The following CSNK1G3 variants were observed in gnomAD, a reference collection of about 807,000 sequenced individuals.
CSNK1G3 encodes the protein casein kinase I isoform gamma-3.
A neutral mutation model predicts 64.3 loss-of-function variants in CSNK1G3; 23 were observed. The ratio of observed to expected loss-of-function variants is 0.36; its 90% CI spans 0.26 to 0.51. The LOEUF is 0.51. CSNK1G3 is among the 20% of genes least tolerant of loss of function. The pLI is 0.96. For synonymous variants in CSNK1G3, 158 were observed against 162.2 expected (o/e 0.97, Z 0.20); for missense variants, 357 against 510.5 (o/e 0.70, Z 2.90).
chr5:123,613,686 C>T (rs1166321339), intron 12 of CSNK1G3, among the ~76,000 whole-genome samples: 1 of 151,790 alleles, frequency 6.6e-6, no homozygotes, highest in Non-Finnish European at 1.5e-5. Context: ...TTTTTTTTCA[C>T]CTAGAAATAA....
intron 1 of CSNK1G3, among the ~76,000 whole-genome samples, chr5:123,530,690 A>G (rs1383142954): frequency 1.3e-5 from 2 of 152,230 alleles, no homozygotes; most frequent in Admixed American, 6.5e-5. Context: ...AAAGCTAGAA[A>G]TTCCTGGGTC....
chr5:123,613,627 C>T (rs928295609), intron 12 of CSNK1G3, among the ~76,000 whole-genome samples: 2 of 152,120 alleles, frequency 1.3e-5, no homozygotes, highest in Admixed American at 6.6e-5. Flanking sequence ...CTGCCTCGGC[C>T]TCTCAAAGTG....
chr5:123,569,162 GA>G (rs1225439467), intron 4 of CSNK1G3, among the ~76,000 whole-genome samples: 1 of 152,110 alleles, frequency 6.6e-6, no homozygotes. Flanking sequence ...TGCTTGCTTT[GA>G]AAATGATAGG....
chr5:123,604,181 T>C (rs960618000), intron 10 of CSNK1G3, among the ~76,000 whole-genome samples: 1 of 152,034 alleles, frequency 6.6e-6, no homozygotes, highest in African/African-American at 2.4e-5. Flanking sequence ...ATGGATTAGA[T>C]GTGGGTTTTA....
At chr5:123,590,018 TCTC>T (rs1792050560) in intron 8 of CSNK1G3, among the ~76,000 whole-genome samples, 3 of 152,114 alleles carry the variant, frequency 2.0e-5, no homozygotes, top group Non-Finnish European at 4.4e-5. Flanking sequence ...ATAAATCAGT[TCTC>T]ACCGGTATTT....
intron 4 of CSNK1G3, among the ~76,000 whole-genome samples, chr5:123,564,776 T>A (rs1223880355): frequency 6.6e-6 from 1 of 152,178 alleles, no homozygotes; most frequent in Non-Finnish European, 1.5e-5. Context: ...TGGGGTTAAT[T>A]GATAGAATTT....
intron 6 of CSNK1G3, among the ~76,000 whole-genome samples, chr5:123,578,847 T>G (rs1476357540): frequency 6.6e-6 from 1 of 152,000 alleles, no homozygotes; most frequent in African/African-American, 2.4e-5. Flanking sequence ...CTTATTGAAT[T>G]ACCTTAGTGT....
At chr5:123,540,276 A>G (rs1458722344) in intron 1 of CSNK1G3, among the ~76,000 whole-genome samples, 2 of 151,266 alleles carry the variant, frequency 1.3e-5, no homozygotes, top group Admixed American at 6.6e-5. Flanking sequence ...TTTTCCGTTT[A>G]TCAGCTGAGA....
chr5:123,595,154 T>G lies in CSNK1G3; in HGVS notation c.1086+3740T>G, dbSNP rs1411338356. On this transcript the variant is annotated intron_variant, in intron 10 of 12. Transcript: ENST00000345990. ...GTACAGGTATTTTCTGATTTTTGCA[T>G]GAGTGATTATTACCCAGATTTATAC... 6.2e-7 allele frequency: 1 copy of G among 1,604,098 alleles called. No homozygotes were observed. The highest frequency in any genetic ancestry group is 8.5e-7 in the Non-Finnish European group (1 of 1,171,864).
intron 10 of CSNK1G3, among the ~76,000 whole-genome samples, chr5:123,601,049 C>G (rs1294537325): frequency 1.3e-5 from 2 of 151,876 alleles, no homozygotes; most frequent in Non-Finnish European, 2.9e-5. Flanking sequence ...CTCAGAATAT[C>G]TGTCATTTTT....
chr5:123,522,279 G>A (rs189284561), intron 1 of CSNK1G3, among the ~76,000 whole-genome samples: 2 of 152,088 alleles, frequency 1.3e-5, no homozygotes, highest in African/African-American at 4.8e-5. Flanking sequence ...AGAGGCAGGC[G>A]GATCACGAGG....
chr5:123,574,549 G>A (rs1788770210), intron 5 of CSNK1G3, among the ~76,000 whole-genome samples: 1 of 152,136 alleles, frequency 6.6e-6, no homozygotes, highest in South Asian at 2.1e-4. Context: ...GCTAGGTGTG[G>A]TGGCTTGTGC....
chr5:123,556,134 C>T (rs1013415007), intron 3 of CSNK1G3, among the ~76,000 whole-genome samples: 1 of 151,984 alleles, frequency 6.6e-6, no homozygotes, highest in Non-Finnish European at 1.5e-5. Flanking sequence ...TACTATCCTG[C>T]CTCTCAAGAA....
At chr5:123,613,411 ATG>A (rs34051969) in intron 12 of CSNK1G3, among the ~76,000 whole-genome samples, 83 of 148,726 alleles carry the variant, frequency 5.6e-4, no homozygotes, top group Non-Finnish European at 7.0e-4. Flanking sequence ...TGTCCAGTGC[ATG>A]TGTGTGTGTG....
chr5:123,586,633 A>G (rs1206314121), intron 6 of CSNK1G3, among the ~76,000 whole-genome samples: 1 of 152,186 alleles, frequency 6.6e-6, no homozygotes, highest in African/African-American at 2.4e-5. Context: ...TAGTCTTCCA[A>G]TCTTGTAGCC....
In CSNK1G3 at chr5:123,559,193, G is replaced by A. The variant is rs567977509; in HGVS notation, c.289+1629G>A. Among the ~76,000 whole-genome samples, 23 of 152,130 alleles carry A rather than the reference G, an allele frequency of 1.5e-4. No individual in the cohort carries two copies. In the South Asian group the frequency reaches 4.6e-3, roughly 30 times the overall value. ...CGAACTTTAGAGACTGAGAATGGGG[G>A]AGGTGATTGCCTACTGGGAAATCGA... is the stretch of plus-strand genomic sequence containing the variant. On this transcript the variant is annotated intron_variant, in intron 4 of 12. Coordinates refer to ENST00000345990, the Ensembl canonical transcript of CSNK1G3.
chr5:123,601,846 A>G (rs956197351), intron 10 of CSNK1G3, among the ~76,000 whole-genome samples: 2 of 152,154 alleles, frequency 1.3e-5, no homozygotes, highest in African/African-American at 4.8e-5. Context: ...AGCAGTGGAA[A>G]TTGTTCAGTG....
intron 5 of CSNK1G3, 109 bp downstream of exon 5, chr5:123,573,650 C>T (rs754592662): frequency 3.1e-6 from 3 of 972,536 alleles, no homozygotes; most frequent in South Asian, 3.9e-5. Flanking sequence ...GAGCGTTTGA[C>T]GTAATACAAA....
At chr5:123,611,004 A>C (rs1365987575) in intron 12 of CSNK1G3, among the ~76,000 whole-genome samples, 1 of 152,200 alleles carries the variant, frequency 6.6e-6, no homozygotes, top group Non-Finnish European at 1.5e-5. Flanking sequence ...AATAATTTCA[A>C]AGTAGGAGTA....
Sources: allele counts gnomAD v4.1 joint callset (sites outside exome capture counted in the v4.1 genomes callset), GRCh38; gene constraint gnomAD v4.1.1; transcripts MANE v1.5; gene names NCBI Gene and HGNC (gene_info 2026-07-23, HGNC 2026-07-21).